The following RBFOX1 variants were observed in gnomAD, a reference collection of about 807,000 sequenced individuals.
RBFOX1 encodes the protein RNA binding protein fox-1 homolog 1.
RBFOX1 carries 8 observed loss-of-function variants against 57.7 expected under a neutral mutation model. That is an observed-to-expected ratio of 0.14 (90% CI 0.08 to 0.25). RBFOX1 has a LOEUF of 0.25. Among genes scored for constraint, RBFOX1 ranks in the 10% least tolerant of loss-of-function variants. RBFOX1 has a pLI of 1.00. For missense variants in RBFOX1, 611 were observed against 548.5 expected, an observed-to-expected ratio of 1.11 and a Z score of -1.14; for synonymous variants, 326 against 222.4, an observed-to-expected ratio of 1.47 and a Z score of -4.15.
intron 3 of RBFOX1, among the ~76,000 whole-genome samples, chr16:6,921,752 T>G (rs1341484349): frequency 1.3e-5 from 2 of 151,338 alleles, no homozygotes; most frequent in Non-Finnish European, 2.9e-5. Flanking sequence ...TATGTATGTG[T>G]GTGTGTATAT....
intron 1 of RBFOX1, among the ~76,000 whole-genome samples, chr16:6,062,139 G>C (rs2095694998): frequency 6.6e-6 from 1 of 152,186 alleles, no homozygotes; most frequent in African/African-American, 2.4e-5. Flanking sequence ...TAGGCGTGCA[G>C]AGCTTCCTTG....
At chr16:6,565,981 G>C (rs1030218512) in intron 2 of RBFOX1, among the ~76,000 whole-genome samples, 1 of 152,116 alleles carries the variant, frequency 6.6e-6, no homozygotes, top group Admixed American at 6.5e-5. Context: ...CACTGGCTGG[G>C]AGTGCTACTC....
At chr16:7,341,298 C>G (rs917546656) in intron 4 of RBFOX1, among the ~76,000 whole-genome samples, 1 of 152,094 alleles carries the variant, frequency 6.6e-6, no homozygotes. Context: ...GCAATGGTCA[C>G]TGTCTAGATT....
intron 1 of RBFOX1, among the ~76,000 whole-genome samples, chr16:6,199,713 G>C (rs2097202997): frequency 6.6e-6 from 1 of 152,160 alleles, no homozygotes; most frequent in Non-Finnish European, 1.5e-5. Flanking sequence ...GGGGGTAGCA[G>C]ATGAGTTTTA....
intron 3 of RBFOX1, among the ~76,000 whole-genome samples, chr16:6,929,149 C>T (rs1045814054): frequency 6.6e-6 from 1 of 152,112 alleles, no homozygotes; most frequent in African/African-American, 2.4e-5. Flanking sequence ...CACATCTCTT[C>T]TCCTGGATAC....
chr16:6,476,206 C>A (rs1038376421), intron 2 of RBFOX1, among the ~76,000 whole-genome samples: 1 of 152,072 alleles, frequency 6.6e-6, no homozygotes, highest in Admixed American at 6.6e-5. Flanking sequence ...AAATAATAAG[C>A]ACCTATAATC....
intron 3 of RBFOX1, among the ~76,000 whole-genome samples, chr16:6,794,704 A>C (rs910742409): frequency 2.0e-5 from 3 of 152,178 alleles, no homozygotes; most frequent in Non-Finnish European, 4.4e-5. Flanking sequence ...CAGAATGTTT[A>C]ATGTAAATCA....
chr16:5,872,902 C>T (rs963345301), intron 4 of RBFOX1, among the ~76,000 whole-genome samples: 2 of 152,026 alleles, frequency 1.3e-5, no homozygotes, highest in African/African-American at 4.8e-5. Context: ...CCTGTAATCC[C>T]AGCACTTTGG....
intron 1 of RBFOX1, among the ~76,000 whole-genome samples, chr16:6,169,939 A>ATT (rs574617646): frequency 6.6e-6 from 1 of 150,862 alleles, no homozygotes; most frequent in Non-Finnish European, 1.5e-5. Flanking sequence ...TAGTTTTTGT[A>ATT]TTTTTTTTTA....
At chr16:7,425,897 AT>A (rs945586938) in intron 4 of RBFOX1, among the ~76,000 whole-genome samples, 2 of 152,066 alleles carry the variant, frequency 1.3e-5, no homozygotes, top group African/African-American at 2.4e-5. Context: ...GAAATGTATC[AT>A]TTTTTCCCCA....
At chr16:6,567,935 C>T (rs2097290498) in intron 2 of RBFOX1, among the ~76,000 whole-genome samples, 2 of 152,088 alleles carry the variant, frequency 1.3e-5, no homozygotes, top group African/African-American at 2.4e-5. Flanking sequence ...ATCTTCCCAC[C>T]TCAGCCTCCC....
At chr16:6,987,144 C>T (rs558081558) in intron 3 of RBFOX1, among the ~76,000 whole-genome samples, 1 of 152,058 alleles carries the variant, frequency 6.6e-6, no homozygotes, top group Non-Finnish European at 1.5e-5. Context: ...ATAATGGGAG[C>T]TCAGTCAGAG....
intron 3 of RBFOX1, among the ~76,000 whole-genome samples, chr16:6,921,989 C>G (rs948097455): frequency 6.6e-6 from 1 of 152,164 alleles, no homozygotes; most frequent in Non-Finnish European, 1.5e-5. Flanking sequence ...ATACACAGAA[C>G]TAGCACAATG....
At chr16:7,483,262 A>T (rs2064483208) in intron 4 of RBFOX1, among the ~76,000 whole-genome samples, 1 of 152,234 alleles carries the variant, frequency 6.6e-6, no homozygotes, top group Non-Finnish European at 1.5e-5. Flanking sequence ...GACCTAAAGT[A>T]AATCGTTGCA....
intron 1 of RBFOX1, among the ~76,000 whole-genome samples, chr16:6,104,920 T>C (rs956979123): frequency 2.0e-5 from 3 of 152,234 alleles, no homozygotes; most frequent in African/African-American, 7.2e-5. Context: ...CAATTTTCCA[T>C]TAGGCAAATA....
At chr16:5,551,003 C>CT (rs1386304611) in intron 2 of RBFOX1, among the ~76,000 whole-genome samples, 1 of 152,166 alleles carries the variant, frequency 6.6e-6, no homozygotes, top group African/African-American at 2.4e-5. Flanking sequence ...GCCCATAACT[C>CT]TCTGTAATAA....
chr16:7,694,408 G>C (rs536784597), intron 14 of RBFOX1, among the ~76,000 whole-genome samples: 25 of 152,296 alleles, frequency 1.6e-4, no homozygotes, highest in Admixed American at 1.3e-3. Context: ...GAAGGACAGA[G>C]AGCTAGGAAC....
chr16:6,082,359 T>TTTTA (rs2096015896), intron 1 of RBFOX1, among the ~76,000 whole-genome samples: 1 of 134,208 alleles, frequency 7.5e-6, no homozygotes, highest in Non-Finnish European at 1.6e-5. Context: ...TTTTTTTTTT[T>TTTTA]TTTTTTTTTT....
At chr16:5,940,812 C>T (rs1379993511) in intron 4 of RBFOX1, among the ~76,000 whole-genome samples, 1 of 152,112 alleles carries the variant, frequency 6.6e-6, no homozygotes, top group African/African-American at 2.4e-5. Flanking sequence ...GGGCTGGCAG[C>T]TGTGCTGTGA....
Sources: gnomAD v4.1 joint callset for allele counts (sites outside exome capture counted in the v4.1 genomes callset) on GRCh38, gnomAD v4.1.1 for gene constraint, MANE v1.5 for transcripts, NCBI Gene and HGNC (gene_info 2026-07-23, HGNC 2026-07-21) for gene names.